ARHGAP17: variants seen among roughly 807,000 people sequenced by gnomAD.
The protein encoded by ARHGAP17 is Rho GTPase activating protein 17.
Under a neutral mutation model 99.5 loss-of-function variants are expected in ARHGAP17, and 57 were observed. That is an observed-to-expected ratio of 0.57 (90% confidence interval 0.46 to 0.71). The LOEUF (loss-of-function observed/expected upper bound fraction) is 0.71, where lower values mean the gene tolerates loss of function less well. ARHGAP17 is among the 30% of genes least tolerant of loss of function. The probability of loss-of-function intolerance (pLI) is 0.00; values close to 1 mark genes in which losing one functional copy is unlikely to be tolerated. For missense variants in ARHGAP17, 1,000 were observed against 1,122.4 expected (o/e 0.89, Z 1.56); for synonymous variants, 417 against 429.6 (o/e 0.97, Z 0.36).
At chr16:24,987,594 T>C (rs1009572924) in intron 1 of ARHGAP17, among the ~76,000 whole-genome samples, 13 of 152,070 alleles carry the variant, frequency 8.5e-5, no homozygotes, top group African/African-American at 2.7e-4. Flanking sequence ...GAGCAGGGGC[T>C]CATCTTTCTA....
chr16:24,925,289 G>C (rs1209003620), intron 19 of ARHGAP17, among the ~76,000 whole-genome samples: 2 of 152,176 alleles, frequency 1.3e-5, no homozygotes, highest in Non-Finnish European at 2.9e-5. Context: ...TGAGGCAAGA[G>C]AACTGCTTAA....
intron 3 of ARHGAP17, among the ~76,000 whole-genome samples, chr16:24,974,667 A>G (rs939365104): frequency 6.6e-6 from 1 of 152,110 alleles, no homozygotes; most frequent in South Asian, 2.1e-4. Context: ...TTGAAGACAG[A>G]CTGGAAAGGA....
chr16:24,969,138 C>T (rs897822057), intron 4 of ARHGAP17, among the ~76,000 whole-genome samples: 8 of 152,200 alleles, frequency 5.3e-5, no homozygotes, highest in Non-Finnish European at 8.8e-5. Flanking sequence ...CTTATGTCTG[C>T]GAGTCCAGCC....
At chr16:24,970,636 G>T in intron 3 of ARHGAP17, 56 bp from the exon 4 acceptor site, 2 of 1,478,672 alleles carry the variant, frequency 1.4e-6, no homozygotes, top group Non-Finnish European at 9.5e-7. Context: ...CATTCTCAAT[G>T]ATCTTTTTCA....
At chr16:24,993,033 G>A (rs1040229485) in intron 1 of ARHGAP17, among the ~76,000 whole-genome samples, 3 of 152,016 alleles carry the variant, frequency 2.0e-5, no homozygotes, top group South Asian at 2.1e-4. Context: ...ACTCCTCGCC[G>A]CAAGTGATCC....
intron 19 of ARHGAP17, among the ~76,000 whole-genome samples, chr16:24,924,884 A>T (rs182145816): frequency 1.3e-5 from 2 of 152,238 alleles, no homozygotes; most frequent in African/African-American, 2.4e-5. Context: ...AAAATAAAAA[A>T]AAAAGCAGGT....
intron 17 of ARHGAP17, among the ~76,000 whole-genome samples, chr16:24,937,403 C>A (rs2051171383): frequency 6.6e-6 from 1 of 151,978 alleles, no homozygotes; most frequent in Non-Finnish European, 1.5e-5. Context: ...GCCTGGGCAA[C>A]AGAGCGAGAC....
intron 14 of ARHGAP17, among the ~76,000 whole-genome samples, chr16:24,946,577 G>C (rs1043717414): frequency 1.3e-5 from 2 of 151,670 alleles, no homozygotes; most frequent in African/African-American, 4.8e-5. Context: ...TTGAGTTAAA[G>C]ACACTTGAAA....
chr16:25,012,533 C>T lies in ARHGAP17; in HGVS notation c.53+2676G>A, dbSNP rs1446827223. Among the ~76,000 whole-genome samples, 3 of 152,158 alleles carry T rather than the reference C, an allele frequency of 2.0e-5. No homozygotes were observed. In the East Asian group the frequency reaches 5.8e-4, roughly 29 times the overall value. ...AACAAAAAAACCCTTTGCTTTGTAGCCTTCATCTTGACCTAAAAACACCCA... is the reference window on the plus strand; with the variant it reads ...AACAAAAAAACCCTTTGCTTTGTAGTCTTCATCTTGACCTAAAAACACCCA... On this transcript the variant is annotated intron_variant, in intron 1 of 19. Coordinates refer to ENST00000289968, the MANE Select transcript of ARHGAP17 (RefSeq NM_001006634.3).
chr16:24,978,481 A>G (rs960630909), intron 2 of ARHGAP17, among the ~76,000 whole-genome samples: 8 of 152,232 alleles, frequency 5.3e-5, no homozygotes, highest in African/African-American at 1.4e-4. Flanking sequence ...ACTGAAAAAA[A>G]GGCAGAAGAA....
chr16:25,007,002 G>A (rs1004583947), intron 1 of ARHGAP17, among the ~76,000 whole-genome samples: 3 of 152,256 alleles, frequency 2.0e-5, no homozygotes, highest in East Asian at 1.9e-4. Context: ...TTTCTCTGTC[G>A]CAATATAACA....
chr16:24,935,436 T>C (rs750388648), intron 18 of ARHGAP17, 34 bp downstream of exon 18: 1 of 1,555,342 alleles, frequency 6.4e-7, no homozygotes, highest in Non-Finnish European at 8.7e-7. Context: ...CTGCACAGGC[T>C]TCCCTGAGGG....
chr16:24,964,061 G>A lies in ARHGAP17; in HGVS notation c.573+136C>T. 5.4e-6 allele frequency: 3 copies of A among 559,418 alleles called. 1 individual carries two copies. The South Asian group carries it at 1.1e-4, about 20-fold the overall frequency. 34.7% of individuals were successfully genotyped at this position (559,418 alleles called of 1,614,324 possible). On this transcript the variant is annotated intron_variant, in intron 7 of 19. Coordinates refer to ENST00000289968, the MANE Select transcript of ARHGAP17 (RefSeq NM_001006634.3). ...AAAATAATATAGTCTTAGAGAAGAA[G>A]AAAATAAAACCTACCTTTAAAATCA... is the stretch of plus-strand genomic sequence containing the variant.
chr16:25,002,750 T>G (rs961293903), intron 1 of ARHGAP17, among the ~76,000 whole-genome samples: 1 of 152,074 alleles, frequency 6.6e-6, no homozygotes, highest in South Asian at 2.1e-4. Flanking sequence ...AGTATTAAAC[T>G]GGTTCTGGCT....
chr16:24,993,053 A>C (rs2053095489), intron 1 of ARHGAP17, among the ~76,000 whole-genome samples: 1 of 152,142 alleles, frequency 6.6e-6, no homozygotes, highest in Admixed American at 6.5e-5. Flanking sequence ...CTCCTGCCTC[A>C]GTTAAAATCC....
At chr16:24,986,646 T>A (rs2052880512) in intron 1 of ARHGAP17, among the ~76,000 whole-genome samples, 1 of 152,194 alleles carries the variant, frequency 6.6e-6, no homozygotes, top group East Asian at 1.9e-4. Flanking sequence ...GCGAAAGACA[T>A]CACCGTATGA....
rs150816893 is a variant in ARHGAP17, at chr16:24,934,515, G to A, written c.1894+955C>T. The stretch of plus-strand genomic sequence containing the variant: ...GTTGTCCAGGCTGGAGTGCGGTGGT[G>A]CAATCATAGCTCACTGCAGGCTCGA... On this transcript the variant is annotated intron_variant, in intron 18 of 19. Coordinates refer to ENST00000289968, the MANE Select transcript of ARHGAP17 (RefSeq NM_001006634.3). Among the ~76,000 whole-genome samples, 355 of 151,400 alleles carry A rather than the reference G, an allele frequency of 2.3e-3. 2 individuals are homozygous for A. Among genetic ancestry groups the A allele is most frequent in the African/African-American group, 8.3e-3 (341 of 41,214 alleles).
chr16:24,958,237 A>AAAACAAACAAAC (rs35513128), intron 9 of ARHGAP17, among the ~76,000 whole-genome samples: 3 of 151,244 alleles, frequency 2.0e-5, no homozygotes, highest in Non-Finnish European at 4.4e-5. Flanking sequence ...TTGTCTCTTT[A>AAAACAAACAAAC]AAACAAACAA....
intron 7 of ARHGAP17, among the ~76,000 whole-genome samples, chr16:24,961,911 T>TTAGGAATTTTATATA (rs147868119): frequency 0.22 from 27,979 of 129,156 alleles, 3,850 homozygotes; most frequent in East Asian, 0.41. Flanking sequence ...CATAGGAATT[T>TTAGGAATTTTATATA]TATATATATA....
Sources: gnomAD v4.1 joint callset for allele counts (sites outside exome capture counted in the v4.1 genomes callset) on GRCh38, gnomAD v4.1.1 for gene constraint, MANE v1.5 for transcripts, NCBI Gene and HGNC (gene_info 2026-07-23, HGNC 2026-07-21) for gene names.